The following DHH variants were observed in gnomAD, a reference collection of about 807,000 sequenced individuals.
DHH encodes the protein desert hedgehog protein.
DHH carries 16 observed loss-of-function variants against 27.6 expected under a neutral mutation model. The observed-to-expected ratio is 0.58, with a 90% CI of 0.39 to 0.88. DHH has a LOEUF of 0.88. DHH is among the 40% of genes least tolerant of loss of function. The probability of loss-of-function intolerance (pLI) is 0.00; values close to 1 mark genes in which losing one functional copy is unlikely to be tolerated. For missense variants in DHH, 436 were observed against 563.1 expected, an observed-to-expected ratio of 0.77 and a Z score of 2.28; for synonymous variants, 289 against 263.4, an observed-to-expected ratio of 1.10 and a Z score of -0.94.
chr12:49,089,956 G>A lies in DHH; in HGVS notation c.1094C>T (p.Ala365Val). ...CCCGCCGGGGAGCAGCGCCCCTAGC[G>A]CGTGCAGCAGTCTCAAGGGGGCAAA... ...RAFAPLRLLH[A>V]LGALLPGGAV... Residue 365 changes from alanine (A) to valine (V), a missense_variant, in exon 3 of 3, where the codon GCG becomes GTG. Coordinates refer to ENST00000649637, the MANE Select transcript of DHH (RefSeq NM_021044.4). 2 of 1,577,422 alleles carry A rather than the reference G, an allele frequency of 1.3e-6. No homozygotes were observed. The highest frequency in any genetic ancestry group is 1.7e-6 in the Non-Finnish European group (2 of 1,162,472).
rs2120813044 is a variant in DHH, at chr12:49,087,797, T to C, written c.*2062A>G. 6.6e-6 allele frequency among the ~76,000 whole-genome samples: 1 copy of C among 152,224 alleles called. No homozygotes were observed. Among genetic ancestry groups the C allele is most frequent in the East Asian group, 1.9e-4 (1 of 5,176 alleles). On this transcript the variant is annotated 3_prime_UTR_variant, in exon 3 of 3. Coordinates refer to ENST00000649637, the MANE Select transcript of DHH (RefSeq NM_021044.4). ...CATCAACATAGGACAACTAATTCAT[T>C]TATCGGATTAGTCATCACCTGTGGT... is the stretch of plus-strand genomic sequence containing the variant.
intron 1 of DHH, among the ~76,000 whole-genome samples, chr12:49,092,640 C>G (rs1592186707): frequency 2.6e-5 from 4 of 152,254 alleles, no homozygotes; most frequent in Non-Finnish European, 5.9e-5. Context: ...GTAGCTCCTT[C>G]CAACTTTGTC....
Position 49,090,057 on chromosome 12 carries a change from G to T in DHH, c.993C>A (p.His331Gln). 6.5e-7 allele frequency: 1 copy of T among 1,540,808 alleles called. No individual in the cohort carries two copies. Among genetic ancestry groups the T allele is most frequent in the East Asian group, 2.5e-5 (1 of 39,852 alleles). ...AVGVFAPLTA[H>Q]GTLLVNDVLA... The stretch of plus-strand genomic sequence containing the variant: ...GGACATCGTTCACCAGCAGCGTCCC[G>T]TGCGCGGTGAGCGGCGCGAACACGC... Residue 331 changes from histidine (H) to glutamine (Q), a missense_variant, in exon 3 of 3, where the codon CAC becomes CAA. Physicochemically the swap from His to Gln is conservative, Grantham distance 24 (BLOSUM62 0). Transcript: ENST00000649637. This position sits in a 1 kb window ranked among gnomAD's most constrained non-coding sequence, Gnocchi z 5.2.
At chr12:49,093,676 C>G (rs896188785) in intron 1 of DHH, among the ~76,000 whole-genome samples, 2 of 152,168 alleles carry the variant, frequency 1.3e-5, no homozygotes, top group African/African-American at 2.4e-5. Context: ...TTCTAGGACA[C>G]GTTTCCCATG....
chr12:49,092,035 G>A (rs536829514), intron 1 of DHH, among the ~76,000 whole-genome samples: 1 of 152,192 alleles, frequency 6.6e-6, no homozygotes, highest in Non-Finnish European at 1.5e-5. Context: ...TTAACCGAGC[G>A]AGAATCCTGA....
At position 49,090,890 on chromosome 12, in the gene DHH, C is replaced by T. The variant is rs1282026344; in HGVS notation, c.565+238G>A. 2.0e-5 allele frequency among the ~76,000 whole-genome samples: 3 copies of T among 152,112 alleles called. No individual in the cohort carries two copies. Among genetic ancestry groups the T allele is most frequent in the African/African-American group, 4.8e-5 (2 of 41,412 alleles). ...CTAATTTTCGTATTTATAATAGAGA[C>T]GGGATTTCACCATGTTGGCTAGGCT... On this transcript the variant is annotated intron_variant, in intron 2 of 2. Transcript: ENST00000649637. This position sits in a 1 kb window ranked among gnomAD's most constrained non-coding sequence, Gnocchi z 5.2.
chr12:49,094,504 G>A lies in DHH; in HGVS notation c.9C>T (p.Leu3=). 1 of 1,555,958 alleles carries A rather than the reference G, an allele frequency of 6.4e-7. No individual in the cohort carries two copies. Among genetic ancestry groups the A allele is most frequent in the Non-Finnish European group, 8.7e-7 (1 of 1,150,148 alleles). Residue 3 remains leucine (L), a synonymous_variant, in exon 1 of 3, where the codon CTC becomes CTT. Coordinates refer to ENST00000649637, the MANE Select transcript of DHH (RefSeq NM_021044.4). MA[L]LTNLLPLCCL... ...AGCACAGGGGCAGTAGATTGGTCAG[G>A]AGAGCCATGGATACAGCGGACCTCG...
At position 49,090,332 on chromosome 12, in the gene DHH, G is replaced by A. The variant is rs371315191; in HGVS notation, c.718C>T (p.Leu240=). 1.7e-5 allele frequency: 27 copies of A among 1,606,094 alleles called. No individual in the cohort carries two copies. The highest frequency in any genetic ancestry group is 2.3e-5 in the Non-Finnish European group (27 of 1,177,288). ...ASGRVVPTPV[L]LFLDRDLQRR... ...TGCAAGTCCCGGTCCAGGAAGAGCA[G>A]CACCGGCGTGGGCACCACCCGGCCT... is the stretch of plus-strand genomic sequence containing the variant. The change falls in exon 3 of 3, where the codon CTG becomes TTG. Residue 240 remains leucine (L), a synonymous_variant. Coordinates refer to ENST00000649637, the MANE Select transcript of DHH (RefSeq NM_021044.4). The surrounding 1 kb of genome is among the most constrained non-coding windows in gnomAD (Gnocchi z 5.2).
At position 49,091,419 on chromosome 12, in the gene DHH, C is replaced by T. The variant is rs1177644113; in HGVS notation, c.304-30G>A. On this transcript the variant is annotated intron_variant, in intron 1 of 2. Coordinates refer to ENST00000649637, the MANE Select transcript of DHH (RefSeq NM_021044.4). This position sits in a 1 kb window ranked among gnomAD's most constrained non-coding sequence, Gnocchi z 4.8. ...CGGGGAATAAAGGAGTCAGTCTCCC[C>T]ACCACCACCCTTGGGGCAAAAGGGA... The T allele has an allele frequency of 3.7e-6, 6 of 1,612,520 alleles. No individual in the cohort carries two copies. In the African/African-American group the frequency reaches 5.3e-5, roughly 14 times the overall value.
rs144444357 is a variant in DHH, at chr12:49,089,916, A to T, written c.1134T>A (p.Thr378=). The change falls in exon 3 of 3, where the codon ACT becomes ACA. Residue 378 remains threonine (T), a synonymous_variant. Coordinates refer to ENST00000649637, the MANE Select transcript of DHH (RefSeq NM_021044.4). ...ALLPGGAVQP[T]GMHWYSRLLY... ...GGAGCCGAGAGTACCAATGCATGCC[A>T]GTCGGCTGGACGGCCCCGCCGGGGA... The T allele has an allele frequency of 3.3e-4, 518 of 1,592,258 alleles. 2 individuals are homozygous for T. In the Middle Eastern group the frequency reaches 4.5e-3, roughly 14 times the overall value.
In DHH at chr12:49,090,267, A is replaced by G. The variant is rs1261114843; in HGVS notation, c.783T>C (p.Pro261=). The change falls in exon 3 of 3, where the codon CCT becomes CCC. Residue 261 remains proline (P), a synonymous_variant. Transcript: ENST00000649637. The surrounding 1 kb of genome is among the most constrained non-coding windows in gnomAD (Gnocchi z 5.2). ...ASFVAVETEW[P]PRKLLLTPWH... ...AGGGCGTGAGCAACAGTTTGCGTGG[A>G]GGCCACTCGGTCTCCACAGCCACAA... The G allele has an allele frequency of 6.4e-7, 1 of 1,573,104 alleles. No individual in the cohort carries two copies.
intron 1 of DHH, chr12:49,092,699 GC>G (rs1939327411): frequency 6.6e-6 from 1 of 152,334 alleles, no homozygotes; most frequent in African/African-American, 2.4e-5. Flanking sequence ...GGGGGCAGCA[GC>G]CCAGTGCAGA....
At chr12:49,092,549 C>G (rs1939323853) in intron 1 of DHH, among the ~76,000 whole-genome samples, 1 of 152,210 alleles carries the variant, frequency 6.6e-6, no homozygotes. Context: ...TTTCTCCTAA[C>G]AGAAAGACAC....
At position 49,087,874 on chromosome 12, in the gene DHH, G is replaced by T. The variant is rs1939233361; in HGVS notation, c.*1985C>A. ...ATAAAAAGAGACAAGGGCAGGTTTA[G>T]AAAGTAGGAAAGGTCCACAGCTTGG... On this transcript the variant is annotated 3_prime_UTR_variant, in exon 3 of 3. Coordinates refer to ENST00000649637, the MANE Select transcript of DHH (RefSeq NM_021044.4). 1.3e-5 allele frequency among the ~76,000 whole-genome samples: 2 copies of T among 152,196 alleles called. No homozygotes were observed. The highest frequency in any genetic ancestry group is 6.5e-5 in the Admixed American group (1 of 15,278).
Position 49,089,885 on chromosome 12 carries a change from G to T in DHH, c.1165C>A (p.Arg389Ser). ...CAGCCCAGTAGCTCCTCCGCTAAGC[G>T]GTAGAGGAGCCGAGAGTACCAATGC... Reference protein sequence around the residue: ...GMHWYSRLLYRLAEELLG With the variant: ...GMHWYSRLLYSLAEELLG The change falls in exon 3 of 3, where the codon CGC becomes AGC. Residue 389 changes from arginine (R) to serine (S), a missense_variant. Arg to Ser is a moderately radical substitution (Grantham distance 110, BLOSUM62 -1). Coordinates refer to ENST00000649637, the MANE Select transcript of DHH (RefSeq NM_021044.4). 1.3e-6 allele frequency: 2 copies of T among 1,585,684 alleles called. No individual in the cohort carries two copies. Among genetic ancestry groups the T allele is most frequent in the Non-Finnish European group, 1.7e-6 (2 of 1,165,360 alleles).
rs1039840470 is a variant in DHH at position 49,089,685 on chromosome 12, G to A, written c.*174C>T. 8 of 787,102 alleles carry A rather than the reference G, an allele frequency of 1.0e-5. No homozygotes were observed. Among genetic ancestry groups the A allele is most frequent in the Non-Finnish European group, 1.9e-6 (1 of 538,952 alleles). 48.8% of individuals were successfully genotyped at this position (787,102 alleles called of 1,614,324 possible). On this transcript the variant is annotated 3_prime_UTR_variant, in exon 3 of 3. Coordinates refer to ENST00000649637, the MANE Select transcript of DHH (RefSeq NM_021044.4). ...CATCAGCCCTACCTACCTAGGACCC[G>A]GTATCACCTCCTCTCAGTACGAGGT...
Position 49,094,485 on chromosome 12 carries a change from G to A in DHH, c.28C>T (p.Leu10=), listed in dbSNP as rs982541465. The change falls in exon 1 of 3, where the codon CTG becomes TTG. Residue 10 remains leucine, a synonymous_variant. Coordinates refer to ENST00000649637, the MANE Select transcript of DHH (RefSeq NM_021044.4). The part of the protein sequence containing the change: MALLTNLLP[L]CCLALLALPA... Reference sequence around the variant, plus strand: ...AGCGCCAGAAGTGCCAAGCAGCACAGGGGCAGTAGATTGGTCAGGAGAGCC... The same window carrying A: ...AGCGCCAGAAGTGCCAAGCAGCACAAGGGCAGTAGATTGGTCAGGAGAGCC... 5.1e-6 allele frequency: 8 copies of A among 1,567,570 alleles called. No individual in the cohort carries two copies. The Admixed American group carries it at 5.7e-5, about 11-fold the overall frequency.
rs1009696769 is a variant in DHH, at chr12:49,087,554, T to A, written c.*2305A>T. Reference sequence around the variant, plus strand: ...TCTGTCTCTACAGAAAATACAAACATTAGCCAGGCATAGCGGCATGCACCT... The same window carrying A: ...TCTGTCTCTACAGAAAATACAAACAATAGCCAGGCATAGCGGCATGCACCT... On this transcript the variant is annotated 3_prime_UTR_variant, in exon 3 of 3. Coordinates refer to ENST00000649637, the MANE Select transcript of DHH (RefSeq NM_021044.4). Among the ~76,000 whole-genome samples the A allele has an allele frequency of 5.3e-5, 8 of 152,060 alleles. No homozygotes were observed. The highest frequency in any genetic ancestry group is 1.9e-4 in the African/African-American group (8 of 41,392).
rs1300657290 is a variant in DHH at position 49,090,453 on chromosome 12, G to A, written c.597C>T (p.Cys199=). The stretch of plus-strand genomic sequence containing the variant: ...GGCGCACAGTTGCATTTCCCGGAAA[G>A]CAGCCGCCCGCCCGGACCGCCAGTG... ...DNSLAVRAGG[C]FPGNATVRLW... is the part of the protein sequence containing the mutation. The change falls in exon 3 of 3, where the codon TGC becomes TGT. Residue 199 remains cysteine, a synonymous_variant. Coordinates refer to ENST00000649637, the MANE Select transcript of DHH (RefSeq NM_021044.4). This position sits in a 1 kb window ranked among gnomAD's most constrained non-coding sequence, Gnocchi z 5.2. 3 of 1,605,470 alleles carry A rather than the reference G, an allele frequency of 1.9e-6. No homozygotes were observed. Among genetic ancestry groups the A allele is most frequent in the African/African-American group, 1.3e-5 (1 of 75,016 alleles).
Sources: allele counts gnomAD v4.1 joint callset (sites outside exome capture counted in the v4.1 genomes callset), GRCh38; gene constraint gnomAD v4.1.1; non-coding constraint Gnocchi (gnomAD v3.1); transcripts MANE v1.5; gene names NCBI Gene and HGNC (gene_info 2026-07-23, HGNC 2026-07-21).